The following CNTNAP2 variants were observed in gnomAD, a reference collection of about 807,000 sequenced individuals.
CNTNAP2 encodes the protein contactin-associated protein-like 2.
A neutral mutation model predicts 155.2 loss-of-function variants in CNTNAP2; 98 were observed. That is an observed-to-expected ratio of 0.63 (90% CI 0.54 to 0.75). The LOEUF (loss-of-function observed/expected upper bound fraction) is 0.75. CNTNAP2 is among the 30% of genes least tolerant of loss of function. The probability of loss-of-function intolerance (pLI) is 0.00; values close to 1 mark genes in which losing one functional copy is unlikely to be tolerated. For missense variants in CNTNAP2, 1,727 were observed against 1,688.1 expected (o/e 1.02, Z -0.40); for synonymous variants, 651 against 631.2 (o/e 1.03, Z -0.47).
chr7:148,178,571 T>G (rs1794984980), intron 18 of CNTNAP2, among the ~76,000 whole-genome samples: 1 of 152,224 alleles, frequency 6.6e-6, no homozygotes. Context: ...AGAAATTGTT[T>G]ATAGCAAATT....
chr7:146,365,152 C>T (rs1179675613), intron 1 of CNTNAP2, among the ~76,000 whole-genome samples: 1 of 152,114 alleles, frequency 6.6e-6, no homozygotes, highest in Admixed American at 6.5e-5. Context: ...GCCTCCAATG[C>T]ACCACTTCAT....
chr7:148,277,479 C>T (rs1563022302), intron 21 of CNTNAP2, among the ~76,000 whole-genome samples: 1 of 152,110 alleles, frequency 6.6e-6, no homozygotes, highest in Non-Finnish European at 1.5e-5. Context: ...TCATCTAAGG[C>T]TTCATGCTGC....
chr7:146,508,365 T>TACCCTGGACATACC (rs1797416195), intron 1 of CNTNAP2, among the ~76,000 whole-genome samples: 1 of 152,162 alleles, frequency 6.6e-6, no homozygotes, highest in Non-Finnish European at 1.5e-5. Flanking sequence ...CCCTGGAATG[T>TACCCTGGACATACC]ATTCAAGTAT....
intron 21 of CNTNAP2, among the ~76,000 whole-genome samples, chr7:148,314,214 G>A (rs1272308628): frequency 6.6e-6 from 1 of 152,074 alleles, no homozygotes; most frequent in African/African-American, 2.4e-5. Flanking sequence ...CAGGTGGGAG[G>A]GAAAGAAGGA....
chr7:146,869,612 A>C (rs781591701), intron 3 of CNTNAP2, among the ~76,000 whole-genome samples: 16 of 152,170 alleles, frequency 1.1e-4, no homozygotes, highest in Non-Finnish European at 2.1e-4. Flanking sequence ...TAGGGAAGCC[A>C]ACAGTGCAGT....
At chr7:147,193,361 G>C (rs1205508829) in intron 8 of CNTNAP2, among the ~76,000 whole-genome samples, 1 of 152,256 alleles carries the variant, frequency 6.6e-6, no homozygotes, top group Non-Finnish European at 1.5e-5. Flanking sequence ...GAAACCTTCT[G>C]GGAAGTTGTT....
intron 13 of CNTNAP2, among the ~76,000 whole-genome samples, chr7:147,870,998 C>T (rs1238778486): frequency 3.3e-5 from 5 of 152,104 alleles, no homozygotes; most frequent in Non-Finnish European, 7.4e-5. Flanking sequence ...CCAGCATAGC[C>T]TTACTTTTGG....
chr7:146,118,091 T>C (rs571110355), intron 1 of CNTNAP2, among the ~76,000 whole-genome samples: 4 of 152,308 alleles, frequency 2.6e-5, no homozygotes, highest in Non-Finnish European at 5.9e-5. Context: ...TTAATAATGA[T>C]CTTATTGTAG....
intron 11 of CNTNAP2, among the ~76,000 whole-genome samples, chr7:147,490,305 AG>A (rs1490529156): frequency 6.6e-6 from 1 of 152,198 alleles, no homozygotes; most frequent in East Asian, 1.9e-4. Context: ...ATAAAGCAAA[AG>A]TAAAATTTTT....
intron 13 of CNTNAP2, among the ~76,000 whole-genome samples, chr7:147,754,910 A>G (rs899951628): frequency 6.6e-6 from 1 of 152,208 alleles, no homozygotes; most frequent in Non-Finnish European, 1.5e-5. Context: ...AAATTTTCGT[A>G]ATAAAAAGTT....
intron 11 of CNTNAP2, among the ~76,000 whole-genome samples, chr7:147,510,697 A>C (rs1799000138): frequency 6.6e-6 from 1 of 151,624 alleles, no homozygotes; most frequent in African/African-American, 2.4e-5. Context: ...TTAATTCATA[A>C]TTCCCAAGTA....
chr7:147,897,720 C>T (rs973002888), intron 13 of CNTNAP2, among the ~76,000 whole-genome samples: 1 of 152,146 alleles, frequency 6.6e-6, no homozygotes, highest in African/African-American at 2.4e-5. Context: ...GCCAAATGAC[C>T]TTAACATTTC....
intron 8 of CNTNAP2, among the ~76,000 whole-genome samples, chr7:147,159,684 T>C (rs1432552265): frequency 6.6e-6 from 1 of 152,110 alleles, no homozygotes; most frequent in Admixed American, 6.6e-5. Context: ...TCCATACTTA[T>C]GAATTCTCTT....
At chr7:147,172,520 A>T (rs2116479432) in intron 8 of CNTNAP2, among the ~76,000 whole-genome samples, 1 of 152,300 alleles carries the variant, frequency 6.6e-6, no homozygotes, top group South Asian at 2.1e-4. Context: ...TTGATAATTA[A>T]TTGAATCAAA....
At chr7:146,758,824 T>C (rs1802036293) in intron 1 of CNTNAP2, among the ~76,000 whole-genome samples, 1 of 152,192 alleles carries the variant, frequency 6.6e-6, no homozygotes. Flanking sequence ...CCTGACTTCC[T>C]TTCTGATTCT....
intron 3 of CNTNAP2, among the ~76,000 whole-genome samples, chr7:146,976,760 G>A (rs1463590604): frequency 6.6e-6 from 1 of 152,134 alleles, no homozygotes; most frequent in Non-Finnish European, 1.5e-5. Context: ...CATTACACAA[G>A]AAGGGTAAGG....
chr7:146,366,176 G>A (rs917795968), intron 1 of CNTNAP2, among the ~76,000 whole-genome samples: 1 of 152,030 alleles, frequency 6.6e-6, no homozygotes, highest in Non-Finnish European at 1.5e-5. Flanking sequence ...AAGTGATAAT[G>A]TGTTTTCTAC....
At chr7:147,695,194 G>C (rs1239873050) in intron 13 of CNTNAP2, among the ~76,000 whole-genome samples, 1 of 151,880 alleles carries the variant, frequency 6.6e-6, no homozygotes, top group African/African-American at 2.4e-5. Context: ...ATTCTATTTT[G>C]GTCTGAGAGC....
At chr7:146,786,896 C>T (rs1203278361) in intron 2 of CNTNAP2, 2 of 152,160 alleles carry the variant, frequency 1.3e-5, no homozygotes, top group African/African-American at 4.8e-5. Context: ...AACTGCGGGT[C>T]CTTGTCTGCA....
Sources: gnomAD v4.1 joint callset for allele counts (sites outside exome capture counted in the v4.1 genomes callset) on GRCh38, gnomAD v4.1.1 for gene constraint, MANE v1.5 for transcripts, NCBI Gene and HGNC (gene_info 2026-07-23, HGNC 2026-07-21) for gene names.